The following RNF10 variants were observed in gnomAD, a reference collection of about 807,000 sequenced individuals.
RNF10 encodes E3 ubiquitin-protein ligase RNF10.
A neutral mutation model predicts 91.4 loss-of-function variants in RNF10; 38 were observed. The observed-to-expected ratio is 0.42, with a 90% CI of 0.32 to 0.54. The LOEUF is 0.54. Among genes scored for constraint, RNF10 ranks in the 20% least tolerant of loss-of-function variants. The pLI, the probability that RNF10 is intolerant of heterozygous loss-of-function variation, is 0.16. For missense variants in RNF10, 945 were observed against 1,012.0 expected (o/e 0.93, Z 0.90); for synonymous variants, 364 against 366.3 (o/e 0.99, Z 0.07).
chr12:120,577,372 G>A lies in RNF10; in HGVS notation c.*706G>A. ...AAGATCGAGCTTGTTTTCAGTGACT[G>A]GCTTGAGTCATAGGAGGAGGAGTCT... is the stretch of plus-strand genomic sequence containing the variant. On this transcript the variant is annotated 3_prime_UTR_variant, in exon 17 of 17. Coordinates refer to ENST00000325954, the MANE Select transcript of RNF10 (RefSeq NM_014868.5). The A allele has an allele frequency of 5.8e-6, 2 of 344,644 alleles. No individual in the cohort carries two copies. The highest frequency in any genetic ancestry group is 4.4e-5 in the African/African-American group (2 of 45,220). 21.3% of individuals were successfully genotyped at this position (344,644 alleles called of 1,614,324 possible). A position where few individuals can be genotyped will look rare whatever the true frequency, so the allele number is the denominator to read the frequency against.
At chr12:120,545,906 A>G (rs1872260977) in intron 1 of RNF10, among the ~76,000 whole-genome samples, 1 of 152,250 alleles carries the variant, frequency 6.6e-6, no homozygotes, top group African/African-American at 2.4e-5. Flanking sequence ...TTTGACCTCT[A>G]GAGCTTCTGT....
chr12:120,539,867 G>A (rs1012444411), intron 1 of RNF10, among the ~76,000 whole-genome samples: 1 of 151,310 alleles, frequency 6.6e-6, no homozygotes, highest in African/African-American at 2.4e-5. Flanking sequence ...AGACAGTCTT[G>A]CTCTGTCACC....
chr12:120,571,305 TTG>T lies in RNF10; in HGVS notation c.2142+17_2142+18del. The T allele has an allele frequency of 6.3e-7, 1 of 1,577,142 alleles. No individual in the cohort carries two copies. Among genetic ancestry groups the T allele is most frequent in the Non-Finnish European group, 8.7e-7 (1 of 1,146,442 alleles). ...TCCTTTGCCCAGGTAAATCCTTTGC[TTG>T]TGAAGCAGCCCAGGGGTATTTAACA... On this transcript the variant is annotated intron_variant, in intron 14 of 16. Coordinates refer to ENST00000325954, the MANE Select transcript of RNF10 (RefSeq NM_014868.5).
chr12:120,570,807 A>T (rs1415558515), intron 13 of RNF10, among the ~76,000 whole-genome samples: 3 of 152,166 alleles, frequency 2.0e-5, no homozygotes, highest in African/African-American at 7.2e-5. Flanking sequence ...AGCTGATTAA[A>T]TTTTATCTTT....
At chr12:120,552,289 A>C (rs1873220219) in intron 2 of RNF10, among the ~76,000 whole-genome samples, 2 of 151,702 alleles carry the variant, frequency 1.3e-5, no homozygotes, top group Admixed American at 1.3e-4. Flanking sequence ...AATCCCAGCT[A>C]CTCAGGAGGC....
At chr12:120,559,497 G>T (rs969318605) in intron 6 of RNF10, among the ~76,000 whole-genome samples, 1 of 151,916 alleles carries the variant, frequency 6.6e-6, no homozygotes, top group East Asian at 1.9e-4. Context: ...AGATTCTCCT[G>T]CCTCAGCGTC....
rs142173135 is a variant in RNF10, at chr12:120,569,880, T to G, written c.2042-1311T>G. ...TTGTGTTTTCACATACTGTCTTTTCTGAAAGCTGCTTTTTGTTTTGTTTTG... is the reference window on the plus strand; with the variant it reads ...TTGTGTTTTCACATACTGTCTTTTCGGAAAGCTGCTTTTTGTTTTGTTTTG... On this transcript the variant is annotated intron_variant, in intron 13 of 16. Transcript: ENST00000325954. Among the ~76,000 whole-genome samples, 374 of 152,086 alleles carry G rather than the reference T, an allele frequency of 2.5e-3. 1 individual carries two copies. Among genetic ancestry groups the G allele is most frequent in the Non-Finnish European group, 4.3e-3 (294 of 67,976 alleles).
chr12:120,535,545 G>A (rs1050549952), intron 1 of RNF10: 1 of 152,138 alleles, frequency 6.6e-6, no homozygotes, highest in Non-Finnish European at 1.5e-5. Context: ...GACCTTGAGT[G>A]AGTGCCCCGA....
chr12:120,557,557 CAG>C lies in RNF10; in HGVS notation c.845_846del (p.Glu282ValfsTer8), dbSNP rs746231878. 2 of 1,614,198 alleles carry C rather than the reference CAG, an allele frequency of 1.2e-6. No homozygotes were observed. Among genetic ancestry groups the C allele is most frequent in the South Asian group, 1.1e-5 (1 of 91,090 alleles). ...TGTCCATGTTTCAGTGTTGTTGCCA[CAG>C]AGTCACATCAGTATGTTGTTGGTGA... On this transcript the variant is annotated frameshift_variant, in exon 6 of 17. Transcript: ENST00000325954. LOFTEE classifies it high-confidence loss of function.
chr12:120,563,669 A>G (rs1214279132), intron 9 of RNF10, 46 bp downstream of exon 9: 1 of 1,570,228 alleles, frequency 6.4e-7, no homozygotes, highest in South Asian at 1.2e-5. Context: ...GAGGTGTTTC[A>G]GAGGTGACCC....
At chr12:120,566,562 GA>G (rs1374483960) in intron 12 of RNF10, among the ~76,000 whole-genome samples, 3 of 152,118 alleles carry the variant, frequency 2.0e-5, no homozygotes, top group African/African-American at 7.2e-5. Flanking sequence ...AGGAGTTCAA[GA>G]CCAGGCTGGA....
intron 10 of RNF10, 61 bp downstream of exon 10, chr12:120,564,004 T>C: frequency 6.3e-7 from 1 of 1,594,572 alleles, no homozygotes; most frequent in Non-Finnish European, 8.6e-7. Context: ...CTCTTTGAGG[T>C]AGGCCTAGCC....
At chr12:120,566,113 C>A (rs1008389648) in intron 12 of RNF10, among the ~76,000 whole-genome samples, 3 of 152,192 alleles carry the variant, frequency 2.0e-5, no homozygotes, top group Non-Finnish European at 2.9e-5. Flanking sequence ...GGTGTTTTGA[C>A]TCCATATGGC....
At chr12:120,573,454 G>C (rs1196090365) in intron 14 of RNF10, among the ~76,000 whole-genome samples, 1 of 151,964 alleles carries the variant, frequency 6.6e-6, no homozygotes, top group Non-Finnish European at 1.5e-5. Flanking sequence ...TAAACATTTT[G>C]GTAAGAATAA....
chr12:120,572,254 G>A (rs1309794506), intron 14 of RNF10, among the ~76,000 whole-genome samples: 2 of 151,648 alleles, frequency 1.3e-5, no homozygotes, highest in African/African-American at 4.8e-5. Context: ...TTTTAGTAGA[G>A]ACAGGGTTTC....
At chr12:120,576,519 A>G (rs1161161144) in intron 16 of RNF10, 71 bp from the exon 17 acceptor site, 2 of 1,557,930 alleles carry the variant, frequency 1.3e-6, no homozygotes, top group Non-Finnish European at 1.7e-6. Flanking sequence ...TGTGACTCTC[A>G]GTAATGAAAA....
intron 6 of RNF10, among the ~76,000 whole-genome samples, chr12:120,560,154 G>GTTTT (rs71076633): frequency 7.6e-6 from 1 of 132,414 alleles, no homozygotes; most frequent in Non-Finnish European, 1.6e-5. Context: ...GGTTTTTTTT[G>GTTTT]TTTTTTTTTT....
chr12:120,555,409 T>A (rs564156510), intron 4 of RNF10, among the ~76,000 whole-genome samples: 4 of 152,034 alleles, frequency 2.6e-5, no homozygotes, highest in African/African-American at 7.2e-5. Flanking sequence ...TTTGAACTCC[T>A]GACTGCAAGT....
intron 1 of RNF10, among the ~76,000 whole-genome samples, chr12:120,541,185 T>C (rs190867730): frequency 1.7e-4 from 26 of 152,296 alleles, no homozygotes; most frequent in Admixed American, 7.8e-4. Flanking sequence ...GCCCTTGCCA[T>C]GTAGAATCTG....
Sources: gnomAD v4.1 joint callset for allele counts (sites outside exome capture counted in the v4.1 genomes callset) on GRCh38, gnomAD v4.1.1 for gene constraint, MANE v1.5 for transcripts, NCBI Gene and HGNC (gene_info 2026-07-23, HGNC 2026-07-21) for gene names.